Variants in ECT2 observed in about 807,000 individuals in gnomAD.
ECT2 encodes the protein protein ECT2.
A neutral mutation model predicts 116.9 loss-of-function variants in ECT2; 61 were observed. That is an observed-to-expected ratio of 0.52 (90% CI 0.42 to 0.65). ECT2 has a LOEUF of 0.65. Ranked by LOEUF, ECT2 falls within the 30% of genes least tolerant of loss-of-function variation. The probability of loss-of-function intolerance (pLI) is 0.00; values close to 1 mark genes in which losing one functional copy is unlikely to be tolerated. For synonymous variants in ECT2, 358 were observed against 346.4 expected, an observed-to-expected ratio of 1.03 and a Z score of -0.37; for missense variants, 937 against 1,078.7, an observed-to-expected ratio of 0.87 and a Z score of 1.84.
At chr3:172,759,311 A>T (rs543382211) in intron 6 of ECT2, among the ~76,000 whole-genome samples, 1 of 152,070 alleles carries the variant, frequency 6.6e-6, no homozygotes, top group Non-Finnish European at 1.5e-5. Flanking sequence ...ATTCTGTTTG[A>T]CTGTCTTGTT....
At chr3:172,798,939 C>T (rs2108966112) in intron 18 of ECT2, among the ~76,000 whole-genome samples, 1 of 152,292 alleles carries the variant, frequency 6.6e-6, no homozygotes. Context: ...AAATTAAAAA[C>T]TGCCACTTCT....
intron 17 of ECT2, among the ~76,000 whole-genome samples, chr3:172,785,627 A>G (rs187310615): frequency 3.9e-5 from 6 of 152,264 alleles, no homozygotes; most frequent in African/African-American, 1.2e-4. Context: ...CAAGGAGGCA[A>G]ATTTTGTGAC....
At chr3:172,793,679 G>A (rs1725101984) in intron 18 of ECT2, among the ~76,000 whole-genome samples, 1 of 151,750 alleles carries the variant, frequency 6.6e-6, no homozygotes, top group South Asian at 2.1e-4. Context: ...GGCCAGTCTG[G>A]TCTCGATCTC....
At chr3:172,761,581 A>C (rs756764938) in intron 7 of ECT2, 29 bp from the exon 8 acceptor site, 2 of 1,526,978 alleles carry the variant, frequency 1.3e-6, no homozygotes, top group South Asian at 2.3e-5. Flanking sequence ...ATTTAAGGAG[A>C]AAATTCACTG....
chr3:172,775,616 A>G (rs1721505086), intron 14 of ECT2, among the ~76,000 whole-genome samples: 1 of 151,784 alleles, frequency 6.6e-6, no homozygotes, highest in South Asian at 2.1e-4. Flanking sequence ...TGGAAGGTCA[A>G]GTAGGTTTTG....
At position 172,820,342 on chromosome 3, in the gene ECT2, G is replaced by A; in HGVS notation, c.*105G>A. ...AATTAGCACTTGGTGAAAGCTGGAA[G>A]GAAGATAAATAACACTAAACTATGC... On this transcript the variant is annotated 3_prime_UTR_variant, in exon 25 of 25. Transcript: ENST00000392692. The A allele has an allele frequency of 1.4e-6, 1 of 702,764 alleles. No individual in the cohort carries two copies. The allele number at this position is 702,764 out of a possible 1,614,324, so 43.5% of individuals were successfully genotyped here.
chr3:172,769,507 T>A (rs1720214852), intron 13 of ECT2, among the ~76,000 whole-genome samples: 1 of 152,196 alleles, frequency 6.6e-6, no homozygotes, highest in Non-Finnish European at 1.5e-5. Flanking sequence ...GTCATTGCTT[T>A]GTTTTTAGTA....
In ECT2 at chr3:172,762,773, A is replaced by T. The variant is rs747123435; in HGVS notation, c.972A>T (p.Glu324Asp). ...EENIVKDLPF[E>D]PSKKLYVVKQ... is the part of the protein sequence containing the mutation. ...ATATAGTAAAAGATCTTCCCTTTGA[A>T]CCTTCAAAGAAACTTTATGTTGTCA... Residue 324 changes from glutamate (E) to aspartate (D), a missense_variant, in exon 10 of 25, where the codon GAA becomes GAT. By Grantham distance (45) the Glu-to-Asp change is conservative. Coordinates refer to ENST00000392692, the MANE Select transcript of ECT2 (RefSeq NM_001258315.2). 5 of 1,612,694 alleles carry T rather than the reference A, an allele frequency of 3.1e-6. No homozygotes were observed. In the Admixed American group the frequency reaches 8.4e-5, roughly 27 times the overall value.
chr3:172,813,919 G>A (rs980971396), intron 22 of ECT2, among the ~76,000 whole-genome samples: 1 of 151,994 alleles, frequency 6.6e-6, no homozygotes, highest in Non-Finnish European at 1.5e-5. Context: ...CATTTTATAC[G>A]TGTAGAAATA....
At chr3:172,811,413 T>C (rs987479345) in intron 22 of ECT2, among the ~76,000 whole-genome samples, 8 of 152,166 alleles carry the variant, frequency 5.3e-5, no homozygotes, top group Non-Finnish European at 1.0e-4. Context: ...TCTTAGCCAC[T>C]AGTGAACTAG....
chr3:172,776,868 GGTTT>G (rs927567395), intron 14 of ECT2, among the ~76,000 whole-genome samples: 1 of 149,500 alleles, frequency 6.7e-6, no homozygotes, highest in Non-Finnish European at 1.5e-5. Context: ...GGAAAAAACG[GGTTT>G]GTTTTTTTTT....
intron 5 of ECT2, among the ~76,000 whole-genome samples, chr3:172,757,749 A>T (rs1717333648): frequency 6.6e-6 from 1 of 152,114 alleles, no homozygotes; most frequent in African/African-American, 2.4e-5. Context: ...CTTAGAGAAG[A>T]TTACTTGCTT....
intron 14 of ECT2, among the ~76,000 whole-genome samples, chr3:172,778,354 A>AT (rs1722108245): frequency 6.6e-6 from 1 of 152,266 alleles, no homozygotes; most frequent in Admixed American, 6.5e-5. Flanking sequence ...TGTATCGGGC[A>AT]TTTTCCCTCA....
chr3:172,797,949 G>C (rs1411043665), intron 18 of ECT2, among the ~76,000 whole-genome samples: 3 of 152,130 alleles, frequency 2.0e-5, no homozygotes. Context: ...CAAATGACCT[G>C]TGATCCTGTT....
At chr3:172,816,960 C>A in intron 24 of ECT2, 123 bp downstream of exon 24, 1 of 709,320 alleles carries the variant, frequency 1.4e-6, no homozygotes, top group Non-Finnish European at 2.2e-6. Context: ...TTTATTTAAC[C>A]CAGTATGCTA....
At chr3:172,777,730 C>T (rs916887486) in intron 14 of ECT2, among the ~76,000 whole-genome samples, 1 of 152,144 alleles carries the variant, frequency 6.6e-6, no homozygotes, top group Admixed American at 6.6e-5. Flanking sequence ...AAAACCCCAT[C>T]GCTACAAAAA....
chr3:172,786,955 C>T (rs1723706583), intron 18 of ECT2, among the ~76,000 whole-genome samples: 1 of 152,114 alleles, frequency 6.6e-6, no homozygotes, highest in African/African-American at 2.4e-5. Flanking sequence ...AATACTTTTT[C>T]ACTTTAATTT....
chr3:172,751,336 T>C lies in ECT2; in HGVS notation c.-23+479T>C, dbSNP rs146573072. ...GTCCTCCCCAGCCACCCGGCACAGATGTGTCCGGCTTAGTGGTTAAAGGCG... is the reference window on the plus strand; with the variant it reads ...GTCCTCCCCAGCCACCCGGCACAGACGTGTCCGGCTTAGTGGTTAAAGGCG... On this transcript the variant is annotated intron_variant, in intron 1 of 24. Transcript: ENST00000392692. 1.8e-3 allele frequency among the ~76,000 whole-genome samples: 270 copies of C among 152,326 alleles called. 6 individuals are homozygous for C. Among genetic ancestry groups the C allele is most frequent in the African/African-American group, 6.3e-3 (262 of 41,586 alleles).
chr3:172,793,320 A>G (rs1348606044), intron 18 of ECT2, among the ~76,000 whole-genome samples: 3 of 149,728 alleles, frequency 2.0e-5, no homozygotes, highest in African/African-American at 7.4e-5. Context: ...ACGTGCCACC[A>G]CTCCCAGCTA....
Sources: allele counts gnomAD v4.1 joint callset (sites outside exome capture counted in the v4.1 genomes callset), GRCh38; gene constraint gnomAD v4.1.1; transcripts MANE v1.5; gene names NCBI Gene and HGNC (gene_info 2026-07-23, HGNC 2026-07-21).